The following LAMA2 variants were observed in gnomAD, a reference collection of about 807,000 sequenced individuals.
LAMA2 encodes the protein laminin subunit alpha 2.
A neutral mutation model predicts 364.8 loss-of-function variants in LAMA2; 269 were observed. The ratio of observed to expected loss-of-function variants is 0.74; its 90% CI spans 0.67 to 0.82. LAMA2 has a LOEUF of 0.82. Among genes scored for constraint, LAMA2 ranks in the 40% least tolerant of loss-of-function variants. LAMA2 has a pLI of 0.00. For synonymous variants in LAMA2, 1,379 were observed against 1,370.6 expected, an observed-to-expected ratio of 1.01 and a Z score of -0.14; for missense variants, 3,807 against 3,873.2, an observed-to-expected ratio of 0.98 and a Z score of 0.45.
In LAMA2 at chr6:128,914,332, T is replaced by C. The variant is rs963449941; in HGVS notation, c.112+30975T>C. ...ATGCTACTTAAATAGTAGGTGAATG[T>C]AATTTTGCACTTTAGAAAATGTCTG... is the stretch of plus-strand genomic sequence containing the variant. On this transcript the variant is annotated intron_variant, in intron 1 of 64. Coordinates refer to ENST00000421865, the MANE Select transcript of LAMA2 (RefSeq NM_000426.4). 2.0e-4 allele frequency among the ~76,000 whole-genome samples: 31 copies of C among 152,186 alleles called. 1 individual carries two copies. The highest frequency in any genetic ancestry group is 6.5e-5 in the Admixed American group (1 of 15,284).
In LAMA2 at chr6:129,492,432, T is replaced by C; in HGVS notation, c.8193T>C (p.Pro2731=). Residue 2731 remains proline, a synonymous_variant, in exon 58 of 65, where the codon CCT becomes CCC. Coordinates refer to ENST00000421865, the MANE Select transcript of LAMA2 (RefSeq NM_000426.4). ...GAAPAEIVIQ[P]EPVPTPAFPT... ...CTCCAGCTGAAATAGTTATCCAGCC[T>C]GAGCCAGTTCCCACCCCAGCCTTTC... 1.2e-6 allele frequency: 2 copies of C among 1,614,132 alleles called. No homozygotes were observed. The highest frequency in any genetic ancestry group is 1.7e-6 in the Non-Finnish European group (2 of 1,179,966).
Position 129,282,107 on chromosome 6 carries a change from A to G in LAMA2, c.2537+1960A>G, listed in dbSNP as rs954161. Among the ~76,000 whole-genome samples the G allele has an allele frequency of 4.3e-3, 651 of 152,300 alleles. 2 individuals are homozygous for G. The highest frequency in any genetic ancestry group is 0.014 in the African/African-American group (602 of 41,568). On this transcript the variant is annotated intron_variant, in intron 18 of 64. Coordinates refer to ENST00000421865, the MANE Select transcript of LAMA2 (RefSeq NM_000426.4). The stretch of plus-strand genomic sequence containing the variant: ...CATCATCTAAATAAGACCAGAATTT[A>G]AAAACTAAATCAACATTTCCCAAAT...
intron 36 of LAMA2, 54 bp from the exon 37 acceptor site, chr6:129,392,991 C>G: frequency 1.4e-6 from 2 of 1,393,818 alleles, no homozygotes; most frequent in African/African-American, 2.8e-5. Flanking sequence ...ACCAATAAAC[C>G]CTAAGGCAGT....
At chr6:128,911,927 C>A (rs1014095064) in intron 1 of LAMA2, among the ~76,000 whole-genome samples, 4 of 152,106 alleles carry the variant, frequency 2.6e-5, no homozygotes, top group African/African-American at 9.7e-5. Context: ...CTTCTTTCAC[C>A]CAGTCTACTG....
chr6:129,133,656 C>A (rs1051261375), intron 4 of LAMA2, among the ~76,000 whole-genome samples: 1 of 152,162 alleles, frequency 6.6e-6, no homozygotes, highest in South Asian at 2.1e-4. Context: ...TGTGTCTCTG[C>A]TTAAACTCCT....
intron 32 of LAMA2, among the ~76,000 whole-genome samples, chr6:129,359,480 T>C (rs1016729605): frequency 9.9e-5 from 15 of 151,776 alleles, no homozygotes; most frequent in African/African-American, 3.1e-4. Flanking sequence ...TGAGAAGATA[T>C]TTATTTTAAA....
intron 34 of LAMA2, among the ~76,000 whole-genome samples, chr6:129,378,454 C>T (rs7356971): frequency 0.12 from 18,941 of 152,108 alleles, 1,628 homozygotes; most frequent in East Asian, 0.44. Context: ...TGAAGTCTCT[C>T]GTGGGTATTT....
At chr6:129,133,673 A>G (rs1157175105) in intron 4 of LAMA2, among the ~76,000 whole-genome samples, 1 of 152,220 alleles carries the variant, frequency 6.6e-6, no homozygotes, top group African/African-American at 2.4e-5. Flanking sequence ...TCCTGTATGC[A>G]TTAGTATGAT....
intron 3 of LAMA2, among the ~76,000 whole-genome samples, chr6:129,076,827 A>T (rs1210640410): frequency 6.6e-6 from 1 of 152,038 alleles, no homozygotes; most frequent in Non-Finnish European, 1.5e-5. Context: ...TTTTGAGTCA[A>T]ATTTTCTGTA....
intron 45 of LAMA2, among the ~76,000 whole-genome samples, chr6:129,449,771 T>C (rs948327797): frequency 1.3e-5 from 2 of 151,962 alleles, no homozygotes; most frequent in African/African-American, 4.8e-5. Flanking sequence ...AGCAGTTAGA[T>C]TTTAGTGCTG....
intron 12 of LAMA2, among the ~76,000 whole-genome samples, chr6:129,205,493 T>TACACACACAC (rs767013359): frequency 1.5e-4 from 16 of 104,274 alleles, no homozygotes; most frequent in Non-Finnish European, 2.4e-4. Flanking sequence ...TATATATATA[T>TACACACACAC]ACACACACAC....
intron 4 of LAMA2, among the ~76,000 whole-genome samples, chr6:129,105,196 C>T (rs1442074927): frequency 6.6e-6 from 1 of 152,218 alleles, no homozygotes; most frequent in East Asian, 1.9e-4. Flanking sequence ...GCAGGGGCCT[C>T]CATTACTTTG....
Position 129,190,759 on chromosome 6 carries a change from A to G in LAMA2, c.1608+414A>G, listed in dbSNP as rs138724448. The stretch of plus-strand genomic sequence containing the variant: ...TATACATAATACATATTATCCACCA[A>G]CGCTTTAGTTACTATTTGATGTTGC... On this transcript the variant is annotated intron_variant, in intron 11 of 64. Transcript: ENST00000421865. Among the ~76,000 whole-genome samples, 1,273 of 152,278 alleles carry G rather than the reference A, an allele frequency of 8.4e-3. 12 individuals are homozygous for G. Among genetic ancestry groups the G allele is most frequent in the Admixed American group, 0.031 (471 of 15,288 alleles).
At chr6:129,455,422 C>T (rs1782909086) in intron 47 of LAMA2, among the ~76,000 whole-genome samples, 1 of 152,086 alleles carries the variant, frequency 6.6e-6, no homozygotes, top group Admixed American at 6.6e-5. Flanking sequence ...TCATAAAGTG[C>T]AGTTCTTCTT....
At position 129,258,004 on chromosome 6, in the gene LAMA2, ATCTG is replaced by A. The variant is rs560999145; in HGVS notation, c.2097-2703_2097-2700del. Reference sequence around the variant, plus strand: ...TAGTCAGTTACTTTTGTATACATTTATCTGTCTATCTACCCATCCGTCCACCCAT... The same window carrying A: ...TAGTCAGTTACTTTTGTATACATTTATCTATCTACCCATCCGTCCACCCAT... On this transcript the variant is annotated intron_variant, in intron 14 of 64. Coordinates refer to ENST00000421865, the MANE Select transcript of LAMA2 (RefSeq NM_000426.4). Among the ~76,000 whole-genome samples, 520 of 152,136 alleles carry A rather than the reference ATCTG, an allele frequency of 3.4e-3. 3 individuals are homozygous for A. The highest frequency in any genetic ancestry group is 0.012 in the African/African-American group (502 of 41,542).
intron 29 of LAMA2, among the ~76,000 whole-genome samples, chr6:129,329,790 G>A (rs1466381143): frequency 6.6e-6 from 1 of 152,142 alleles, no homozygotes; most frequent in Non-Finnish European, 1.5e-5. Context: ...CAACCCCTGG[G>A]CCACAGGAGG....
At chr6:129,320,223 A>T (rs942723634) in intron 27 of LAMA2, among the ~76,000 whole-genome samples, 4 of 152,138 alleles carry the variant, frequency 2.6e-5, no homozygotes, top group Non-Finnish European at 2.9e-5. Flanking sequence ...ATCATTGTAA[A>T]GGTCTTCATC....
At chr6:129,175,888 G>T (rs200186156) in intron 9 of LAMA2, among the ~76,000 whole-genome samples, 1 of 151,966 alleles carries the variant, frequency 6.6e-6, no homozygotes, top group Non-Finnish European at 1.5e-5. Flanking sequence ...GTAGTTCTTT[G>T]ATAATTTGTC....
chr6:129,392,757 C>T (rs1172851857), intron 36 of LAMA2, among the ~76,000 whole-genome samples: 3 of 152,226 alleles, frequency 2.0e-5, no homozygotes, highest in African/African-American at 7.2e-5. Context: ...AATCTTAAAA[C>T]TCATTTCATC....
Sources: allele counts gnomAD v4.1 joint callset (sites outside exome capture counted in the v4.1 genomes callset), GRCh38; gene constraint gnomAD v4.1.1; transcripts MANE v1.5; gene names NCBI Gene and HGNC (gene_info 2026-07-23, HGNC 2026-07-21).